Variants in ANK1 observed in about 807,000 individuals in gnomAD.
ANK1 encodes the protein ankyrin 1, also known as ankyrin-1.
A neutral mutation model predicts 210.4 loss-of-function variants in ANK1; 51 were observed. That is an observed-to-expected ratio of 0.24 (90% CI 0.19 to 0.31). The LOEUF is 0.31. Ranked by LOEUF, ANK1 falls within the 10% of genes least tolerant of loss-of-function variation. ANK1 has a pLI of 1.00. For synonymous variants in ANK1, 967 were observed against 1,025.9 expected (o/e 0.94, Z 1.10); for missense variants, 2,051 against 2,504.4 (o/e 0.82, Z 3.86).
intron 22 of ANK1, 41 bp downstream of exon 22, chr8:41,701,509 C>T (rs1198441773): frequency 1.9e-6 from 3 of 1,603,052 alleles, no homozygotes. Context: ...GCCCGGAGCC[C>T]CTCTGTCCCC....
Position 41,692,692 on chromosome 8 carries a change from G to C in ANK1, c.3814C>G (p.Gln1272Glu), listed in dbSNP as rs755489310. ...GCCACCTCCACGAAGTTCTCATGCT[G>C]CTCCAGGGTCTTGTCCACTTTATCA... ...TDDKVDKTLE[Q>E]HENFVEVARS... Residue 1272 changes from glutamine to glutamate, a missense_variant, in exon 31 of 43, where the codon CAG becomes GAG. Coordinates refer to ENST00000289734, the MANE Select transcript of ANK1 (RefSeq NM_000037.4). 5.0e-6 allele frequency: 8 copies of C among 1,613,866 alleles called. No individual in the cohort carries two copies. The highest frequency in any genetic ancestry group is 6.8e-6 in the Non-Finnish European group (8 of 1,180,032).
In ANK1 at chr8:41,717,536, C is replaced by T. The variant is rs149520651; in HGVS notation, c.1305+68G>A. On this transcript the variant is annotated intron_variant, in intron 12 of 42. Coordinates refer to ENST00000289734, the MANE Select transcript of ANK1 (RefSeq NM_000037.4). The stretch of plus-strand genomic sequence containing the variant: ...TGTCCCCAGAGAGTAGGACTGGGAG[C>T]ACTGGTGAAAGCTGCCCTCTGAGCT... 2.6e-3 allele frequency: 3,606 copies of T among 1,368,014 alleles called. 10 individuals carry two copies. The highest frequency in any genetic ancestry group is 3.2e-3 in the Non-Finnish European group (3,177 of 983,362). The allele number at this position is 1,368,014 out of a possible 1,614,324, so 84.7% of individuals were successfully genotyped here.
intron 2 of ANK1, among the ~76,000 whole-genome samples, chr8:41,752,809 C>T (rs71521544): frequency 6.7e-6 from 1 of 150,242 alleles, no homozygotes; most frequent in African/African-American, 2.4e-5. Context: ...CCCCCCCCCA[C>T]TGCACCGCTG....
chr8:41,824,879 G>T (rs1467439018), intron 1 of ANK1, among the ~76,000 whole-genome samples: 7 of 152,322 alleles, frequency 4.6e-5, no homozygotes. Context: ...TGCAGAGCTG[G>T]GGCTGGCTGG....
intron 39 of ANK1, among the ~76,000 whole-genome samples, chr8:41,667,644 A>G (rs554567305): frequency 6.6e-6 from 1 of 152,286 alleles, no homozygotes; most frequent in East Asian, 1.9e-4. Context: ...GGGAAGTGGA[A>G]GAAAGGAGGG....
rs1829879080 is a variant in ANK1, at chr8:41,723,628, G to A, written c.717C>T (p.Gly239=). The A allele has an allele frequency of 6.2e-7, 1 of 1,612,768 alleles. No individual in the cohort carries two copies. Among genetic ancestry groups the A allele is most frequent in the Non-Finnish European group, 8.5e-7 (1 of 1,179,890 alleles). The change falls in exon 8 of 43, where the codon GGC becomes GGT. Residue 239 remains glycine (G), a synonymous_variant. Coordinates refer to ENST00000289734, the MANE Select transcript of ANK1 (RefSeq NM_000037.4). ...GASVNFTPQN[G]ITPLHIASRR... ...GGGAGGCGATGTGCAGTGGCGTGAT[G>A]CCGTTCTGAAGGGAGGAAGCAGGAC...
intron 1 of ANK1, among the ~76,000 whole-genome samples, chr8:41,838,174 G>A (rs894969989): frequency 3.3e-5 from 5 of 152,220 alleles, no homozygotes; most frequent in African/African-American, 9.6e-5. Context: ...TCACACTGAG[G>A]ATACTGGAGG....
rs192092494 is a variant in ANK1 at position 41,685,054 on chromosome 8, G to A, written c.4391-364C>T. Among the ~76,000 whole-genome samples the A allele has an allele frequency of 9.2e-4, 140 of 152,216 alleles. 1 individual carries two copies. Among genetic ancestry groups the A allele is most frequent in the East Asian group, 6.4e-3 (33 of 5,164 alleles). The stretch of plus-strand genomic sequence containing the variant: ...AGCAATTCTCGTTCCTCAGCCTCCC[G>A]AGTAGCTGGGATTACAGGTGCATGC... On this transcript the variant is annotated intron_variant, in intron 36 of 42. Coordinates refer to ENST00000289734, the MANE Select transcript of ANK1 (RefSeq NM_000037.4).
At chr8:41,719,640 T>C in intron 10 of ANK1, 21 bp downstream of exon 10, 1 of 1,614,062 alleles carries the variant, frequency 6.2e-7, no homozygotes, top group Non-Finnish European at 8.5e-7. Flanking sequence ...CTGCACCTTC[T>C]CCAGCAGCAC....
At chr8:41,826,688 T>C (rs1805446913) in intron 1 of ANK1, among the ~76,000 whole-genome samples, 1 of 152,232 alleles carries the variant, frequency 6.6e-6, no homozygotes, top group Non-Finnish European at 1.5e-5. Flanking sequence ...ATCCTAAACA[T>C]GATTTACATT....
At chr8:41,818,201 C>G in intron 1 of ANK1, among the ~76,000 whole-genome samples, 1 of 152,170 alleles carries the variant, frequency 6.6e-6, no homozygotes, top group East Asian at 1.9e-4. Flanking sequence ...CCCATTCCTA[C>G]AAATGTTTCC....
intron 2 of ANK1, among the ~76,000 whole-genome samples, chr8:41,743,547 G>A (rs1835310080): frequency 6.6e-6 from 1 of 152,192 alleles, no homozygotes; most frequent in African/African-American, 2.4e-5. Flanking sequence ...GCCTTAGAGG[G>A]CAGTGAACAG....
At chr8:41,658,086 A>G (rs1258417463) in intron 42 of ANK1, among the ~76,000 whole-genome samples, 5 of 152,026 alleles carry the variant, frequency 3.3e-5, no homozygotes, top group East Asian at 3.9e-4. Context: ...GTCCTACCAC[A>G]TTGCCCAGGC....
At chr8:41,662,270 CG>C (rs983192834) in intron 40 of ANK1, among the ~76,000 whole-genome samples, 1 of 149,946 alleles carries the variant, frequency 6.7e-6, no homozygotes, top group Admixed American at 6.6e-5. Flanking sequence ...AAAAAAAAGG[CG>C]GGGGGGCTGG....
At chr8:41,880,799 C>T (rs928011768) in intron 1 of ANK1, among the ~76,000 whole-genome samples, 1 of 152,252 alleles carries the variant, frequency 6.6e-6, no homozygotes. Flanking sequence ...GCTTCTCCCC[C>T]GGCAGAGGCG....
intron 38 of ANK1, among the ~76,000 whole-genome samples, chr8:41,670,854 A>G (rs1812045401): frequency 6.6e-6 from 1 of 152,212 alleles, no homozygotes; most frequent in Non-Finnish European, 1.5e-5. Flanking sequence ...CCATGTCCTT[A>G]CTTTAGGGAA....
intron 39 of ANK1, among the ~76,000 whole-genome samples, chr8:41,667,790 C>T (rs1234602800): frequency 6.6e-6 from 1 of 152,146 alleles, no homozygotes; most frequent in East Asian, 1.9e-4. Context: ...AGCCAAGTAA[C>T]TTTGGCGACA....
At position 41,694,003 on chromosome 8, in the gene ANK1, G is replaced by A. The variant is rs764141047; in HGVS notation, c.3427C>T (p.Arg1143Cys). ...TVEPRRRKFH[R>C]PIGLRIPLPP... is the part of the protein sequence containing the mutation. ...AGTGGGATCCGAAGCCCAATGGGGC[G>A]GTGGAACTTCCGGCGCCGGGGCTCC... Residue 1143 changes from arginine to cysteine, a missense_variant, in exon 29 of 43, where the codon CGC becomes TGC. Transcript: ENST00000289734. This position sits in a 1 kb window ranked among gnomAD's most constrained non-coding sequence, Gnocchi z 5.7. The A allele has an allele frequency of 1.2e-5, 20 of 1,613,962 alleles. No homozygotes were observed. Among genetic ancestry groups the A allele is most frequent in the Admixed American group, 3.3e-5 (2 of 60,004 alleles).
intron 15 of ANK1, 115 bp downstream of exon 15, chr8:41,714,861 A>G (rs1022427782): frequency 1.4e-5 from 16 of 1,128,654 alleles, no homozygotes; most frequent in African/African-American, 1.5e-5. Flanking sequence ...CCCTGTCTCA[A>G]AGAAAAAAAA....
Sources: gnomAD v4.1 joint callset for allele counts (sites outside exome capture counted in the v4.1 genomes callset) on GRCh38, gnomAD v4.1.1 for gene constraint, Gnocchi (gnomAD v3.1) non-coding constraint, MANE v1.5 for transcripts, NCBI Gene and HGNC (gene_info 2026-07-23, HGNC 2026-07-21) for gene names.